CERS6: variants seen among roughly 807,000 people sequenced by gnomAD.
CERS6 encodes the protein ceramide synthase 6, also known as LAG1 homolog, ceramide synthase 6.
A neutral mutation model predicts 56.8 loss-of-function variants in CERS6; 26 were observed. The observed-to-expected ratio is 0.46, with a 90% confidence interval of 0.34 to 0.63. The LOEUF (loss-of-function observed/expected upper bound fraction) is 0.63, where lower values mean the gene tolerates loss of function less well. CERS6 is among the 30% of genes least tolerant of loss of function. CERS6 has a pLI of 0.01. For missense variants in CERS6, 415 were observed against 467.5 expected (o/e 0.89, Z 1.04); for synonymous variants, 164 against 173.3 (o/e 0.95, Z 0.42).
At chr2:168,691,132 C>G in intron 5 of CERS6, 48 bp downstream of exon 5, 1 of 1,562,806 alleles carries the variant, frequency 6.4e-7, no homozygotes, top group Non-Finnish European at 8.8e-7. Flanking sequence ...AAGTATCTAC[C>G]TTCGGTCAAT....
At chr2:168,715,496 A>C (rs1687206423) in intron 7 of CERS6, among the ~76,000 whole-genome samples, 1 of 152,172 alleles carries the variant, frequency 6.6e-6, no homozygotes, top group African/African-American at 2.4e-5. Context: ...AATGGAAACT[A>C]TACATCCCAG....
At chr2:168,547,865 A>G (rs1695495287) in intron 2 of CERS6, among the ~76,000 whole-genome samples, 164 bp downstream of exon 2, 1 of 152,236 alleles carries the variant, frequency 6.6e-6, no homozygotes, top group Non-Finnish European at 1.5e-5. Context: ...AGCGGAATGA[A>G]GATGGGCTTG....
chr2:168,695,863 C>T (rs1172060107), intron 6 of CERS6, among the ~76,000 whole-genome samples: 1 of 152,156 alleles, frequency 6.6e-6, no homozygotes, highest in Non-Finnish European at 1.5e-5. Flanking sequence ...CATACTTCCA[C>T]ATCTGTAGTC....
intron 1 of CERS6, among the ~76,000 whole-genome samples, chr2:168,531,850 C>G (rs954252115): frequency 6.6e-6 from 1 of 151,788 alleles, no homozygotes; most frequent in African/African-American, 2.4e-5. Flanking sequence ...CAGTGACCAC[C>G]ACAGACGAGG....
At chr2:168,607,859 C>G (rs1386647842) in intron 3 of CERS6, among the ~76,000 whole-genome samples, 1 of 152,194 alleles carries the variant, frequency 6.6e-6, no homozygotes, top group Admixed American at 6.5e-5. Flanking sequence ...AAGGAGTTGG[C>G]TCTGGGCTCA....
intron 3 of CERS6, among the ~76,000 whole-genome samples, chr2:168,574,234 C>G (rs894924587): frequency 6.6e-5 from 10 of 152,112 alleles, no homozygotes; most frequent in African/African-American, 2.4e-4. Context: ...AAAATATTGT[C>G]TTATCTGGAA....
At chr2:168,767,841 C>T (rs1419344056) in intron 9 of CERS6, among the ~76,000 whole-genome samples, 1 of 152,086 alleles carries the variant, frequency 6.6e-6, no homozygotes, top group East Asian at 1.9e-4. Flanking sequence ...TTGCCACCTC[C>T]CCAGCCCACC....
At chr2:168,706,649 TGA>T (rs1686948017) in intron 6 of CERS6, among the ~76,000 whole-genome samples, 1 of 152,248 alleles carries the variant, frequency 6.6e-6, no homozygotes, top group East Asian at 1.9e-4. Context: ...ATCTGAATTT[TGA>T]GAGTAATATT....
intron 3 of CERS6, among the ~76,000 whole-genome samples, chr2:168,576,122 G>C (rs767882424): frequency 6.6e-6 from 1 of 151,980 alleles, no homozygotes; most frequent in Non-Finnish European, 1.5e-5. Flanking sequence ...CATCAGAGGA[G>C]AGCAAATCAT....
rs2105476010 is a variant in CERS6, at chr2:168,772,479, C to T, written c.*2817C>T. On this transcript the variant is annotated 3_prime_UTR_variant, in exon 10 of 10. Transcript: ENST00000305747. ...CAAAATATCACTGACTCATCCCTACCCATATTCTTTTCATAAAACCCACTC... is the reference window on the plus strand; with the variant it reads ...CAAAATATCACTGACTCATCCCTACTCATATTCTTTTCATAAAACCCACTC... 1 of 152,660 alleles carries T rather than the reference C, an allele frequency of 6.6e-6. No individual in the cohort carries two copies. Among genetic ancestry groups the T allele is most frequent in the East Asian group, 1.9e-4 (1 of 5,178 alleles). The allele number at this position is 152,660 out of a possible 1,614,324, so 9.5% of individuals were successfully genotyped here.
chr2:168,714,052 C>A (rs541956493), intron 6 of CERS6, among the ~76,000 whole-genome samples: 1 of 152,122 alleles, frequency 6.6e-6, no homozygotes, highest in Non-Finnish European at 1.5e-5. Context: ...AAGGCTCTGG[C>A]AGATTTGGTA....
chr2:168,617,587 A>G (rs905249755), intron 3 of CERS6, among the ~76,000 whole-genome samples: 1 of 152,160 alleles, frequency 6.6e-6, no homozygotes, highest in African/African-American at 2.4e-5. Context: ...AAGATCATTC[A>G]AGGCTACTAT....
intron 4 of CERS6, among the ~76,000 whole-genome samples, chr2:168,650,055 G>T (rs1685306471): frequency 6.6e-6 from 1 of 152,106 alleles, no homozygotes; most frequent in South Asian, 2.1e-4. Flanking sequence ...AAAGAAATAG[G>T]TAAGTGAGAC....
At chr2:168,688,164 G>A (rs1209275463) in intron 4 of CERS6, among the ~76,000 whole-genome samples, 1 of 152,006 alleles carries the variant, frequency 6.6e-6, no homozygotes, top group East Asian at 1.9e-4. Flanking sequence ...TCTAAATTGA[G>A]GGGTTTTAGT....
intron 3 of CERS6, among the ~76,000 whole-genome samples, chr2:168,623,517 T>C (rs1684521760): frequency 6.6e-6 from 1 of 152,218 alleles, no homozygotes; most frequent in South Asian, 2.1e-4. Flanking sequence ...ACACTTTGGC[T>C]AAAAGCTCAT....
rs1479950929 is a variant in CERS6 at position 168,456,387 on chromosome 2, C to T, written c.-62C>T. On this transcript the variant is annotated 5_prime_UTR_variant, in exon 1 of 10. Transcript: ENST00000305747. The surrounding 1 kb of genome is among the most constrained non-coding windows in gnomAD (Gnocchi z 4.1). ...CCAGCCGGGCGCGCATCCCCGGGCGCCCTGCGCGGTGGAGAGCTTGGCGGG... is the reference window on the plus strand; with the variant it reads ...CCAGCCGGGCGCGCATCCCCGGGCGTCCTGCGCGGTGGAGAGCTTGGCGGG... 18 of 1,381,106 alleles carry T rather than the reference C, an allele frequency of 1.3e-5. No homozygotes were observed. The highest frequency in any genetic ancestry group is 1.5e-5 in the Non-Finnish European group (16 of 1,036,324). 85.6% of individuals were successfully genotyped at this position (1,381,106 alleles called of 1,614,324 possible).
intron 2 of CERS6, among the ~76,000 whole-genome samples, chr2:168,557,683 A>C (rs1301494208): frequency 6.6e-6 from 1 of 152,188 alleles, no homozygotes; most frequent in Non-Finnish European, 1.5e-5. Flanking sequence ...ACATTTATTA[A>C]AAGGAAACCT....
chr2:168,720,812 T>C (rs1687345838), intron 8 of CERS6, among the ~76,000 whole-genome samples: 1 of 152,182 alleles, frequency 6.6e-6, no homozygotes, highest in South Asian at 2.1e-4. Context: ...AAAAGAACAG[T>C]AACTCAATAG....
At chr2:168,713,173 C>G (rs1262560658) in intron 6 of CERS6, among the ~76,000 whole-genome samples, 1 of 152,038 alleles carries the variant, frequency 6.6e-6, no homozygotes, top group Non-Finnish European at 1.5e-5. Flanking sequence ...GAATAAATGA[C>G]CATATGAATA....
Sources: gnomAD v4.1 joint callset for allele counts (sites outside exome capture counted in the v4.1 genomes callset) on GRCh38, gnomAD v4.1.1 for gene constraint, Gnocchi (gnomAD v3.1) non-coding constraint, MANE v1.5 for transcripts, NCBI Gene and HGNC (gene_info 2026-07-23, HGNC 2026-07-21) for gene names.